Variants in FGF18 observed in about 807,000 individuals in gnomAD.
FGF18 encodes the protein fibroblast growth factor 18.
In FGF18, 5 loss-of-function variants were observed where a neutral mutation model predicts 23.0. The ratio of observed to expected loss-of-function variants is 0.22; its 90% CI spans 0.11 to 0.46. FGF18 has a LOEUF of 0.46. Among genes scored for constraint, FGF18 ranks in the 20% least tolerant of loss-of-function variants. FGF18 has a pLI of 0.99. For missense variants in FGF18, 180 were observed against 291.6 expected, an observed-to-expected ratio of 0.62 and a Z score of 2.79; for synonymous variants, 117 against 118.9, an observed-to-expected ratio of 0.98 and a Z score of 0.10.
At chr5:171,442,346 C>G (rs1011300893) in intron 3 of FGF18, among the ~76,000 whole-genome samples, 2 of 152,218 alleles carry the variant, frequency 1.3e-5, no homozygotes, top group African/African-American at 4.8e-5. Context: ...CTCTCTCCCC[C>G]TCTCAAGATC....
At chr5:171,454,171 G>A (rs933263087) in intron 4 of FGF18, among the ~76,000 whole-genome samples, 3 of 152,164 alleles carry the variant, frequency 2.0e-5, no homozygotes, top group Non-Finnish European at 2.9e-5. Context: ...TGAGGAAGAA[G>A]AATTGTCCAG....
At position 171,456,942 on chromosome 5, in the gene FGF18, T is replaced by G; in HGVS notation, c.*137T>G. ...ATTGTGTTTAAAAGAAGACAAAAAC[T>G]GAACCAAAACTCTTGGGGGGAGGGG... On this transcript the variant is annotated 3_prime_UTR_variant, in exon 5 of 5. Transcript: ENST00000274625. This position sits in a 1 kb window ranked among gnomAD's most constrained non-coding sequence, Gnocchi z 6.1. 3 of 1,150,760 alleles carry G rather than the reference T, an allele frequency of 2.6e-6. No individual in the cohort carries two copies. The highest frequency in any genetic ancestry group is 3.6e-6 in the Non-Finnish European group (3 of 836,370). The allele number at this position is 1,150,760 out of a possible 1,614,324, so 71.3% of individuals were successfully genotyped here. A position where few individuals can be genotyped will look rare whatever the true frequency, so the allele number is the denominator to read the frequency against.
chr5:171,426,476 G>A (rs1288323040), intron 2 of FGF18, among the ~76,000 whole-genome samples: 4 of 152,232 alleles, frequency 2.6e-5, no homozygotes, highest in African/African-American at 9.6e-5. Context: ...TCAGCACTGT[G>A]GGCCTGAGCA....
intron 3 of FGF18, among the ~76,000 whole-genome samples, chr5:171,448,497 G>A (rs568941155): frequency 6.6e-6 from 1 of 152,296 alleles, no homozygotes; most frequent in African/African-American, 2.4e-5. Flanking sequence ...ATAGCTTGAC[G>A]TCCTGAAAGG....
intron 2 of FGF18, among the ~76,000 whole-genome samples, chr5:171,424,422 C>A (rs1279915999): frequency 6.6e-6 from 1 of 152,242 alleles, no homozygotes; most frequent in Admixed American, 6.5e-5. Flanking sequence ...TTCAACCATT[C>A]TACAGGGAGG....
chr5:171,442,523 G>A (rs1045840732), intron 3 of FGF18, among the ~76,000 whole-genome samples: 1 of 152,218 alleles, frequency 6.6e-6, no homozygotes, highest in African/African-American at 2.4e-5. Context: ...AGCCCTCGCA[G>A]GGCCCCAGAT....
rs199751388 is a variant in FGF18, at chr5:171,454,520, AG to A, written c.358-2017del. 4.2e-3 allele frequency among the ~76,000 whole-genome samples: 636 copies of A among 152,302 alleles called. 12 individuals carry two copies. Among genetic ancestry groups the A allele is most frequent in the Admixed American group, 0.031 (469 of 15,292 alleles). ...CCTCTGGGTCCCACGTGTGTGTCCC[AG>A]GTCTGCCCATGCCTGTTCTGCAGCC... On this transcript the variant is annotated intron_variant, in intron 4 of 4. Coordinates refer to ENST00000274625, the MANE Select transcript of FGF18 (RefSeq NM_003862.3).
Position 171,456,808 on chromosome 5 carries a change from C to T in FGF18, c.*3C>T. Reference sequence around the variant, plus strand: ...TCCGGCCCACACACCCTGCCTAGGCCACCCCGCCGCGGCCCCTCAGGTCGC... The same window carrying T: ...TCCGGCCCACACACCCTGCCTAGGCTACCCCGCCGCGGCCCCTCAGGTCGC... On this transcript the variant is annotated 3_prime_UTR_variant, in exon 5 of 5. Coordinates refer to ENST00000274625, the MANE Select transcript of FGF18 (RefSeq NM_003862.3). This position sits in a 1 kb window ranked among gnomAD's most constrained non-coding sequence, Gnocchi z 6.1. The T allele has an allele frequency of 6.2e-7, 1 of 1,602,860 alleles. No homozygotes were observed. Among genetic ancestry groups the T allele is most frequent in the East Asian group, 2.2e-5 (1 of 44,632 alleles).
chr5:171,455,822 G>A (rs1402382637), intron 4 of FGF18, among the ~76,000 whole-genome samples: 2 of 152,224 alleles, frequency 1.3e-5, no homozygotes, highest in Admixed American at 6.5e-5. Context: ...GTGTCTGGAT[G>A]TCTTGCTCTG....
At chr5:171,422,618 A>T (rs904438060) in intron 2 of FGF18, among the ~76,000 whole-genome samples, 30 of 152,166 alleles carry the variant, frequency 2.0e-4, no homozygotes, top group Admixed American at 2.0e-3. Flanking sequence ...CCCCATTCAC[A>T]CTACAGGGGC....
intron 4 of FGF18, among the ~76,000 whole-genome samples, chr5:171,455,847 G>A (rs1458593521): frequency 1.3e-5 from 2 of 152,230 alleles, no homozygotes; most frequent in Non-Finnish European, 2.9e-5. Flanking sequence ...GGATGAAGTG[G>A]AGCCATTGGG....
intron 2 of FGF18, among the ~76,000 whole-genome samples, chr5:171,426,974 C>T (rs577311746): frequency 1.2e-4 from 18 of 152,176 alleles, no homozygotes; most frequent in Admixed American, 3.3e-4. Context: ...TTTGGGAGGC[C>T]GATACAGGCA....
chr5:171,427,300 AC>A (rs994969328), intron 2 of FGF18, among the ~76,000 whole-genome samples: 4 of 152,230 alleles, frequency 2.6e-5, no homozygotes, highest in Non-Finnish European at 5.9e-5. Context: ...CAATGGCAAA[AC>A]ACTCGATGAG....
intron 2 of FGF18, among the ~76,000 whole-genome samples, chr5:171,427,491 A>G (rs957816977): frequency 6.6e-6 from 1 of 152,152 alleles, no homozygotes; most frequent in Non-Finnish European, 1.5e-5. Context: ...TTGCCACTCT[A>G]CCACTCAAGA....
intron 2 of FGF18, among the ~76,000 whole-genome samples, chr5:171,421,234 A>C (rs1488687142): frequency 2.0e-5 from 3 of 152,002 alleles, no homozygotes; most frequent in Non-Finnish European, 4.4e-5. Context: ...GTAGAAATGA[A>C]GGAAAAAGGG....
chr5:171,454,064 A>G (rs1772549958), intron 4 of FGF18, among the ~76,000 whole-genome samples: 1 of 152,140 alleles, frequency 6.6e-6, no homozygotes, highest in Admixed American at 6.5e-5. Context: ...GCAGGCAGAT[A>G]TGGAATTTCT....
chr5:171,449,282 C>A, intron 4 of FGF18, 29 bp downstream of exon 4: 2 of 1,544,966 alleles, frequency 1.3e-6, no homozygotes, highest in Non-Finnish European at 1.8e-6. Context: ...TTCCCGGGAA[C>A]TTCGGGTTCC....
chr5:171,424,119 C>A (rs1190111718), intron 2 of FGF18, among the ~76,000 whole-genome samples: 1 of 152,140 alleles, frequency 6.6e-6, no homozygotes, highest in Non-Finnish European at 1.5e-5. Flanking sequence ...ATTCATTCAG[C>A]ACATACTTGC....
intron 3 of FGF18, among the ~76,000 whole-genome samples, chr5:171,443,288 C>G (rs1007588326): frequency 1.2e-4 from 17 of 144,442 alleles, no homozygotes; most frequent in African/African-American, 4.6e-4. Context: ...TGCCACCACA[C>G]CCAGCTAATT....
Sources: gnomAD v4.1 joint callset for allele counts (sites outside exome capture counted in the v4.1 genomes callset) on GRCh38, gnomAD v4.1.1 for gene constraint, Gnocchi (gnomAD v3.1) non-coding constraint, MANE v1.5 for transcripts, NCBI Gene and HGNC (gene_info 2026-07-23, HGNC 2026-07-21) for gene names.